Variants in TBC1D22A observed in about 807,000 individuals in gnomAD.
The protein encoded by TBC1D22A is TBC1 domain family member 22A, also known as putative GTPase activator.
In TBC1D22A, 38 loss-of-function variants were observed where a neutral mutation model predicts 60.2. The ratio of observed to expected loss-of-function variants is 0.63; its 90% CI spans 0.49 to 0.83. The LOEUF is 0.83. Among genes scored for constraint, TBC1D22A ranks in the 40% least tolerant of loss-of-function variants. TBC1D22A has a pLI of 0.00. For synonymous variants in TBC1D22A, 302 were observed against 281.7 expected, an observed-to-expected ratio of 1.07 and a Z score of -0.72; for missense variants, 628 against 701.0, an observed-to-expected ratio of 0.90 and a Z score of 1.18.
At chr22:47,127,618 TGCTC>T (rs2066512551) in intron 12 of TBC1D22A, among the ~76,000 whole-genome samples, 1 of 152,036 alleles carries the variant, frequency 6.6e-6, no homozygotes, top group Non-Finnish European at 1.5e-5. Context: ...GTGGCCAGCT[TGCTC>T]TTCCACTGCC....
At chr22:47,095,559 A>G (rs764475591) in intron 11 of TBC1D22A, among the ~76,000 whole-genome samples, 4 of 152,256 alleles carry the variant, frequency 2.6e-5, no homozygotes, top group African/African-American at 4.8e-5. Context: ...GCAAAACTAA[A>G]TCCGCCACAG....
At chr22:46,929,244 C>G (rs2071216812) in intron 8 of TBC1D22A, among the ~76,000 whole-genome samples, 1 of 152,218 alleles carries the variant, frequency 6.6e-6, no homozygotes, top group Non-Finnish European at 1.5e-5. Flanking sequence ...GCTCCATAAA[C>G]AAATCCTTGA....
chr22:46,903,528 G>A (rs1370140840), intron 7 of TBC1D22A, among the ~76,000 whole-genome samples: 1 of 152,198 alleles, frequency 6.6e-6, no homozygotes, highest in Non-Finnish European at 1.5e-5. Context: ...CTCGCCTCTG[G>A]TTGCTGCTCT....
intron 8 of TBC1D22A, among the ~76,000 whole-genome samples, chr22:46,922,246 G>T (rs542047616): frequency 6.6e-6 from 1 of 152,242 alleles, no homozygotes; most frequent in African/African-American, 2.4e-5. Flanking sequence ...TGGTCTGTGT[G>T]TCTGTTTTTG....
intron 8 of TBC1D22A, chr22:46,913,571 G>A: frequency 8.4e-7 from 1 of 1,185,164 alleles, no homozygotes; most frequent in Non-Finnish European, 1.1e-6. Context: ...TCTTAAGTAG[G>A]GGAGAGGCTA....
chr22:47,052,878 T>C (rs1333385394), intron 11 of TBC1D22A, among the ~76,000 whole-genome samples: 1 of 152,224 alleles, frequency 6.6e-6, no homozygotes, highest in African/African-American at 2.4e-5. Context: ...GCCACATGGC[T>C]GGCCCTCTGT....
At chr22:46,793,299 C>T (rs1398354373) in intron 2 of TBC1D22A, among the ~76,000 whole-genome samples, 4 of 152,230 alleles carry the variant, frequency 2.6e-5, no homozygotes, top group African/African-American at 9.6e-5. Flanking sequence ...GAGCCCCCTC[C>T]CCCTCCTGCC....
chr22:47,139,711 TTG>T (rs2067009255), intron 12 of TBC1D22A, among the ~76,000 whole-genome samples: 1 of 151,868 alleles, frequency 6.6e-6, no homozygotes, highest in Non-Finnish European at 1.5e-5. Context: ...GCCGGGGAGG[TTG>T]TGAGTGTCTG....
Position 46,917,020 on chromosome 22 carries a change from C to G in TBC1D22A, c.1015+4832C>G, listed in dbSNP as rs181772627. On this transcript the variant is annotated intron_variant, in intron 8 of 12. Transcript: ENST00000337137. Reference sequence around the variant, plus strand: ...AAGCTTGAATGTGCCCATTCCAGATCAGAGCCAAGCGTGCGTGCTTGTTCT... The same window carrying G: ...AAGCTTGAATGTGCCCATTCCAGATGAGAGCCAAGCGTGCGTGCTTGTTCT... Among the ~76,000 whole-genome samples, 255 of 152,326 alleles carry G rather than the reference C, an allele frequency of 1.7e-3. 1 individual carries two copies. The highest frequency in any genetic ancestry group is 6.0e-3 in the African/African-American group (248 of 41,572).
chr22:46,854,571 G>A (rs922118270), intron 4 of TBC1D22A, among the ~76,000 whole-genome samples: 1 of 150,734 alleles, frequency 6.6e-6, no homozygotes. Context: ...GGATGTTCTC[G>A]CGCTAATTCC....
chr22:47,094,394 C>T (rs1299483531), intron 11 of TBC1D22A, among the ~76,000 whole-genome samples: 8 of 152,134 alleles, frequency 5.3e-5, no homozygotes, highest in Admixed American at 5.2e-4. Context: ...TCATCCCATC[C>T]GTTGAAGGCC....
intron 12 of TBC1D22A, among the ~76,000 whole-genome samples, chr22:47,124,974 A>G (rs1178929958): frequency 6.6e-6 from 1 of 152,004 alleles, no homozygotes; most frequent in East Asian, 1.9e-4. Context: ...CGTGGGTGGG[A>G]CAAGCCCTGT....
rs567543894 is a variant in TBC1D22A, at chr22:47,134,945, G to A, written c.1425+23342G>A. 7.1e-3 allele frequency among the ~76,000 whole-genome samples: 1,085 copies of A among 152,294 alleles called. 7 individuals are homozygous for A. Among genetic ancestry groups the A allele is most frequent in the Middle Eastern group, 0.024 (7 of 294 alleles). On this transcript the variant is annotated intron_variant, in intron 12 of 12. Coordinates refer to ENST00000337137, the MANE Select transcript of TBC1D22A (RefSeq NM_014346.5). Reference sequence around the variant, plus strand: ...CCGGAGCCTTGGCTGATTCCAGCCTGGGCTGTGCCTTTGCCCACCACCTCC... The same window carrying A: ...CCGGAGCCTTGGCTGATTCCAGCCTAGGCTGTGCCTTTGCCCACCACCTCC...
intron 4 of TBC1D22A, among the ~76,000 whole-genome samples, chr22:46,807,788 C>T (rs1156469418): frequency 6.6e-6 from 1 of 152,122 alleles, no homozygotes; most frequent in Non-Finnish European, 1.5e-5. Flanking sequence ...TTTAATAGGA[C>T]ATGAAGAGTT....
chr22:47,056,573 G>A (rs942935670), intron 11 of TBC1D22A, among the ~76,000 whole-genome samples: 27 of 152,050 alleles, frequency 1.8e-4, no homozygotes, highest in African/African-American at 6.3e-4. Context: ...TCTCCACCCC[G>A]TCTGTGCACA....
Position 46,793,809 on chromosome 22 carries a change from C to A in TBC1D22A, c.428C>A (p.Ser143Ter). 6.3e-7 allele frequency: 1 copy of A among 1,594,328 alleles called. No homozygotes were observed. The highest frequency in any genetic ancestry group is 1.1e-5 in the South Asian group (1 of 88,964). Residue 143 changes from serine (S) to a stop codon, truncating the protein, a stop_gained, in exon 3 of 13, where the codon TCG becomes TAG. Coordinates refer to ENST00000337137, the MANE Select transcript of TBC1D22A (RefSeq NM_014346.5). LOFTEE classifies it high-confidence loss of function. ...AGCGGCGACCTCCGGCTGGTGAAGT[C>A]GGTCAGTGAGAGCCACACGTCCTGT... ...PPSGDLRLVK[S>*]VSESHTSCPA...
intron 10 of TBC1D22A, among the ~76,000 whole-genome samples, chr22:47,000,143 A>C (rs2075263607): frequency 6.6e-6 from 1 of 152,194 alleles, no homozygotes; most frequent in Admixed American, 6.5e-5. Context: ...TTGATTAAGA[A>C]TGGAGAGGTT....
At chr22:46,999,760 T>C (rs914741703) in intron 10 of TBC1D22A, among the ~76,000 whole-genome samples, 2 of 151,948 alleles carry the variant, frequency 1.3e-5, no homozygotes, top group African/African-American at 4.8e-5. Flanking sequence ...GCGCGGTGGC[T>C]CACGCCTGTA....
In TBC1D22A at chr22:46,894,843, G is replaced by A. The variant is rs376921464; in HGVS notation, c.897G>A (p.Thr299=). The change falls in exon 7 of 13, where the codon ACG becomes ACA. Residue 299 remains threonine, a synonymous_variant. Coordinates refer to ENST00000337137, the MANE Select transcript of TBC1D22A (RefSeq NM_014346.5). ...CGTTGATCCTGCAGCCCAAGGTGAC[G>A]GAGGTAAGAAGCTCTTGCCGTGGGG... ...PEALILQPKV[T]EIFERILFIW... 23 of 1,614,182 alleles carry A rather than the reference G, an allele frequency of 1.4e-5. 1 individual carries two copies. Among genetic ancestry groups the A allele is most frequent in the South Asian group, 2.2e-5 (2 of 91,084 alleles).
Sources: allele counts gnomAD v4.1 joint callset (sites outside exome capture counted in the v4.1 genomes callset), GRCh38; gene constraint gnomAD v4.1.1; transcripts MANE v1.5; gene names NCBI Gene and HGNC (gene_info 2026-07-23, HGNC 2026-07-21).